The following TTBK2 variants were observed in gnomAD, a reference collection of about 807,000 sequenced individuals.
TTBK2 encodes the protein tau tubulin kinase 2.
Under a neutral mutation model 110.8 loss-of-function variants are expected in TTBK2, and 28 were observed. That is an observed-to-expected ratio of 0.25 (90% CI 0.19 to 0.35). The LOEUF is 0.35. Among genes scored for constraint, TTBK2 ranks in the 10% least tolerant of loss-of-function variants. The pLI is 1.00. For synonymous variants in TTBK2, 532 were observed against 527.3 expected (o/e 1.01, Z -0.12); for missense variants, 1,369 against 1,500.3 (o/e 0.91, Z 1.45).
rs549569899 is a variant in TTBK2 at position 42,869,295 on chromosome 15, C to T, written c.217+3316G>A. On this transcript the variant is annotated intron_variant, in intron 3 of 14. Transcript: ENST00000267890. ...GTAGAGATGGGGTTTTACCATGTCG[C>T]CCAGACTGGTCTCAAATTCCCGACC... Among the ~76,000 whole-genome samples, 67 of 151,706 alleles carry T rather than the reference C, an allele frequency of 4.4e-4. 2 individuals are homozygous for T. In the South Asian group the frequency reaches 0.012, roughly 27 times the overall value.
chr15:42,869,008 C>T (rs1010150716), intron 3 of TTBK2, among the ~76,000 whole-genome samples: 1 of 152,076 alleles, frequency 6.6e-6, no homozygotes, highest in African/African-American at 2.4e-5. Flanking sequence ...GAGGAACCAT[C>T]ATTTTACTGT....
Position 42,746,041 on chromosome 15 carries a change from C to A in TTBK2, c.3489G>T (p.Thr1163=). Residue 1163 remains threonine (T), a synonymous_variant, in exon 15 of 15, where the codon ACG becomes ACT. Coordinates refer to ENST00000267890, the MANE Select transcript of TTBK2 (RefSeq NM_173500.4). ...CAGCCCTAGATGGTGAGGAACTAGA[C>A]GTGCGAGGCAAGGATGAGCTTCGAG... ...ASPRSSSLPR[T]SSSSPSRAGR... 1.2e-6 allele frequency: 2 copies of A among 1,614,076 alleles called. No individual in the cohort carries two copies. Among genetic ancestry groups the A allele is most frequent in the African/African-American group, 1.3e-5 (1 of 74,986 alleles).
At chr15:42,809,403 G>C (rs1240940804) in intron 9 of TTBK2, among the ~76,000 whole-genome samples, 1 of 152,148 alleles carries the variant, frequency 6.6e-6, no homozygotes, top group Non-Finnish European at 1.5e-5. Context: ...GTCTTCTTTA[G>C]ATATAGGTTT....
chr15:42,791,892 A>T (rs1262096590), intron 10 of TTBK2, among the ~76,000 whole-genome samples: 2 of 152,200 alleles, frequency 1.3e-5, no homozygotes, highest in African/African-American at 4.8e-5. Context: ...CTGTGATCTC[A>T]GTACTTTGGG....
In TTBK2 at chr15:42,739,226, G is replaced by A. The variant is rs547765678; in HGVS notation, c.*6569C>T. On this transcript the variant is annotated 3_prime_UTR_variant, in exon 15 of 15. Transcript: ENST00000267890. ...GGAGGGGAAAGGAACACAATAAAAC[G>A]CCTCTGGAGGTATTTCAAAGAGTAG... is the stretch of plus-strand genomic sequence containing the variant. The A allele has an allele frequency of 2.0e-5, 3 of 152,258 alleles. No homozygotes were observed. Among genetic ancestry groups the A allele is most frequent in the Admixed American group, 6.5e-5 (1 of 15,284 alleles). 9.4% of individuals were successfully genotyped at this position (152,258 alleles called of 1,614,324 possible).
chr15:42,817,131 G>A, intron 6 of TTBK2, 34 bp from the exon 7 acceptor site: 1 of 1,574,364 alleles, frequency 6.4e-7, no homozygotes, highest in Admixed American at 1.7e-5. Flanking sequence ...TAATAAATGA[G>A]CTTCAAACAG....
chr15:42,757,790 T>G (rs968235928), intron 13 of TTBK2, among the ~76,000 whole-genome samples: 7 of 152,242 alleles, frequency 4.6e-5, no homozygotes, highest in African/African-American at 1.4e-4. Context: ...AACATTTCAT[T>G]ATGGCATTAA....
At chr15:42,898,991 A>AT (rs1006594444) in intron 1 of TTBK2, among the ~76,000 whole-genome samples, 10 of 151,936 alleles carry the variant, frequency 6.6e-5, no homozygotes, top group African/African-American at 2.2e-4. Context: ...AATTTGTAGA[A>AT]TTTTTTTTGG....
At chr15:42,824,797 CTA>C (rs1892458549) in intron 6 of TTBK2, among the ~76,000 whole-genome samples, 1 of 151,994 alleles carries the variant, frequency 6.6e-6, no homozygotes, top group Admixed American at 6.6e-5. Flanking sequence ...ATGAAATACT[CTA>C]TATAACAAAC....
intron 9 of TTBK2, among the ~76,000 whole-genome samples, chr15:42,797,657 G>A (rs1274961592): frequency 6.6e-6 from 1 of 152,104 alleles, no homozygotes; most frequent in Admixed American, 6.5e-5. Flanking sequence ...ACTTTTTTTG[G>A]TAACTGAATG....
rs2031024646 is a variant in TTBK2 at position 42,915,361 on chromosome 15, C to T, written c.-68+5077G>A. Among the ~76,000 whole-genome samples the T allele has an allele frequency of 2.0e-5, 3 of 152,166 alleles. No homozygotes were observed. The South Asian group carries it at 6.2e-4, about 32-fold the overall frequency. Reference sequence around the variant, plus strand: ...TATAGCAGTGCTTGTGTTCAAGTAACTAACTCTTATTTTACTTAATAATGG... The same window carrying T: ...TATAGCAGTGCTTGTGTTCAAGTAATTAACTCTTATTTTACTTAATAATGG... On this transcript the variant is annotated intron_variant, in intron 1 of 14. Coordinates refer to ENST00000267890, the MANE Select transcript of TTBK2 (RefSeq NM_173500.4).
intron 14 of TTBK2, 42 bp from the exon 15 acceptor site, chr15:42,746,299 T>C: frequency 2.7e-6 from 4 of 1,482,866 alleles, no homozygotes; most frequent in Non-Finnish European, 3.7e-6. Flanking sequence ...TTAATTCATT[T>C]CAAGTGTGCC....
At chr15:42,860,154 G>C (rs1894097494) in intron 3 of TTBK2, among the ~76,000 whole-genome samples, 2 of 152,024 alleles carry the variant, frequency 1.3e-5, no homozygotes, top group South Asian at 4.1e-4. Context: ...AAAGGAAAGA[G>C]AGAAAGGAAC....
intron 1 of TTBK2, chr15:42,908,278 C>T (rs1396745134): frequency 6.6e-6 from 1 of 152,160 alleles, no homozygotes; most frequent in African/African-American, 2.4e-5. Context: ...GAGTTCAAGA[C>T]CAGCCTAGGT....
chr15:42,768,238 A>C (rs1260260978), intron 13 of TTBK2, among the ~76,000 whole-genome samples: 1 of 152,240 alleles, frequency 6.6e-6, no homozygotes, highest in African/African-American at 2.4e-5. Flanking sequence ...CTCCTATTCA[A>C]CATAGTGTTG....
chr15:42,825,900 A>G (rs1892513636), intron 6 of TTBK2, among the ~76,000 whole-genome samples: 1 of 152,066 alleles, frequency 6.6e-6, no homozygotes, highest in African/African-American at 2.4e-5. Flanking sequence ...TATGATCAGG[A>G]AAGGACCCAC....
At chr15:42,873,289 C>G (rs1052289203) in intron 2 of TTBK2, among the ~76,000 whole-genome samples, 1 of 152,022 alleles carries the variant, frequency 6.6e-6, no homozygotes, top group Admixed American at 6.6e-5. Context: ...CAAAAATTAG[C>G]CAGGCGTGGT....
chr15:42,911,547 T>C (rs2030754771), intron 1 of TTBK2, among the ~76,000 whole-genome samples: 1 of 152,206 alleles, frequency 6.6e-6, no homozygotes, highest in Non-Finnish European at 1.5e-5. Flanking sequence ...CCCAGAACCC[T>C]GAAAAGTACT....
chr15:42,771,088 C>A (rs1334159404), intron 13 of TTBK2, among the ~76,000 whole-genome samples: 1 of 152,000 alleles, frequency 6.6e-6, no homozygotes, highest in Non-Finnish European at 1.5e-5. Flanking sequence ...CAATTCTCTG[C>A]CTCAGCCTCC....
Sources: gnomAD v4.1 joint callset for allele counts (sites outside exome capture counted in the v4.1 genomes callset) on GRCh38, gnomAD v4.1.1 for gene constraint, MANE v1.5 for transcripts, NCBI Gene and HGNC (gene_info 2026-07-23, HGNC 2026-07-21) for gene names.